The following MGP variants were observed in gnomAD, a reference collection of about 807,000 sequenced individuals.
MGP encodes matrix Gla protein.
In MGP, 13 loss-of-function variants were observed where a neutral mutation model predicts 14.5. That is an observed-to-expected ratio of 0.89 (90% CI 0.58 to 1.42). The LOEUF is 1.42. Ranked by LOEUF, MGP falls within the 40% of genes most tolerant of loss-of-function variation. The pLI is 0.00. For synonymous variants in MGP, 44 were observed against 46.3 expected (o/e 0.95, Z 0.20); for missense variants, 128 against 133.7 (o/e 0.96, Z 0.21).
In MGP at chr12:14,883,105, G is replaced by C. The variant is rs1344413198; in HGVS notation, c.95-58C>G. 1.4e-5 allele frequency: 18 copies of C among 1,289,700 alleles called. No individual in the cohort carries two copies. In the Admixed American group the frequency reaches 3.1e-4, roughly 22 times the overall value. 79.9% of individuals were successfully genotyped at this position (1,289,700 alleles called of 1,614,324 possible). A position where few individuals can be genotyped will look rare whatever the true frequency, so the allele number is the denominator to read the frequency against. On this transcript the variant is annotated intron_variant, in intron 2 of 3. Transcript: ENST00000539261. ...GCGACACATAGCTGGAAATATTTCC[G>C]TGAATATTCCTTGACACAAATATAT...
At chr12:14,882,606 G>T (rs765014466) in intron 3 of MGP, among the ~76,000 whole-genome samples, 1 of 151,192 alleles carries the variant, frequency 6.6e-6, no homozygotes, top group South Asian at 2.1e-4. Flanking sequence ...GCTGAGGCAC[G>T]AGATAGTGCC....
At position 14,882,172 on chromosome 12, in the gene MGP, AT is replaced by A; in HGVS notation, c.278del (p.Asn93IlefsTer28). 6.2e-7 allele frequency: 1 copy of A among 1,614,018 alleles called. No homozygotes were observed. The highest frequency in any genetic ancestry group is 1.3e-5 in the African/African-American group (1 of 75,006). On this transcript the variant is annotated frameshift_variant, in exon 4 of 4. Transcript: ENST00000539261. LOFTEE classifies it high-confidence loss of function. ...TCCCTCGGCGCTTCCTGAAGTAGCG[AT>A]TATAGGCAGCATTGTATCCATAAAC... The part of the protein sequence containing the change: ...AMVYGYNAAY[N>X]RYFRKRRGTK
In MGP at chr12:14,884,024, T is replaced by C. The variant is rs1863411664; in HGVS notation, c.94+189A>G. 20 of 471,170 alleles carry C rather than the reference T, an allele frequency of 4.2e-5. No individual in the cohort carries two copies. In the South Asian group the frequency reaches 4.4e-4, roughly 10 times the overall value. The allele number at this position is 471,170 out of a possible 1,614,324, so 29.2% of individuals were successfully genotyped here. ...CTGTAGCTTAAATCCCATATTGCAC[T>C]ACTTCAAACTTAAAAAATTGCTCCT... On this transcript the variant is annotated intron_variant, in intron 2 of 3. Transcript: ENST00000539261.
chr12:14,882,921 G>T, intron 3 of MGP, 51 bp downstream of exon 3: 1 of 1,219,690 alleles, frequency 8.2e-7, no homozygotes, highest in Non-Finnish European at 1.2e-6. Context: ...ATTCAGATCT[G>T]TGATCTACAC....
In MGP at chr12:14,885,828, A is replaced by G. The variant is rs1387227057; in HGVS notation, c.-37T>C. 2 of 1,587,230 alleles carry G rather than the reference A, an allele frequency of 1.3e-6. No homozygotes were observed. Among genetic ancestry groups the G allele is most frequent in the East Asian group, 2.2e-5 (1 of 44,736 alleles). On this transcript the variant is annotated 5_prime_UTR_variant, in exon 1 of 4. Transcript: ENST00000539261. The stretch of plus-strand genomic sequence containing the variant: ...GCAGGTCAGTCTCAGGGTCTTGTGT[A>G]GCAGCAGTAGGGAGAGAGGCTCCTA...
intron 1 of MGP, 48 bp from the exon 2 acceptor site, chr12:14,884,293 T>A: frequency 8.3e-7 from 1 of 1,198,004 alleles, no homozygotes; most frequent in Non-Finnish European, 1.2e-6. Flanking sequence ...TATCCATGAT[T>A]CATTATGTTA....
Sources: gnomAD v4.1 joint callset for allele counts (sites outside exome capture counted in the v4.1 genomes callset) on GRCh38, gnomAD v4.1.1 for gene constraint, MANE v1.5 for transcripts, NCBI Gene and HGNC (gene_info 2026-07-23, HGNC 2026-07-21) for gene names.